The following TRMO variants were observed in gnomAD, a reference collection of about 807,000 sequenced individuals.
TRMO encodes the protein tRNA methyltransferase O.
A neutral mutation model predicts 37.2 loss-of-function variants in TRMO; 30 were observed. The observed-to-expected ratio is 0.81, with a 90% confidence interval of 0.60 to 1.09. The LOEUF is 1.09. Among genes scored for constraint, TRMO ranks in the 50% least tolerant of loss-of-function variants. The pLI is 0.00. For missense variants in TRMO, 552 were observed against 549.5 expected (o/e 1.00, Z -0.05); for synonymous variants, 239 against 199.4 (o/e 1.20, Z -1.67).
chr9:97,899,418 AT>A, the TRMO span, among the ~76,000 whole-genome samples: 1 of 132,586 alleles, frequency 7.5e-6, no homozygotes, highest in South Asian at 2.5e-4. Context: ...AGTCATTTTA[AT>A]TTTTATGTAC....
At position 97,916,782 on chromosome 9, in the gene TRMO, T is replaced by G. The variant is rs189795296; in HGVS notation, c.77-444A>C. Among the ~76,000 whole-genome samples, 1,453 of 148,680 alleles carry G rather than the reference T, an allele frequency of 9.8e-3. 7 individuals are homozygous for G. The highest frequency in any genetic ancestry group is 0.016 in the Non-Finnish European group (1,069 of 67,318). On this transcript the variant is annotated intron_variant, in intron 1 of 4. Transcript: ENST00000375119. ...GTGCAGTGGCCCGATCTCGGCTCAC[T>G]GCAACTTCTGCTTCCCGGGTTCAAG...
downstream of TRMO, among the ~76,000 whole-genome samples, chr9:97,902,010 C>T (rs1430999955): frequency 2.0e-5 from 3 of 152,110 alleles, no homozygotes; most frequent in South Asian, 2.1e-4. Flanking sequence ...CTGAAGAAAA[C>T]GGGGGTGCTC....
intron 2 of TRMO, among the ~76,000 whole-genome samples, chr9:97,914,845 T>C (rs113673613): frequency 6.6e-6 from 1 of 152,324 alleles, no homozygotes; most frequent in African/African-American, 2.4e-5. Flanking sequence ...TGGCAGGATC[T>C]ACACCATGCT....
chr9:97,897,743 A>T, the TRMO span, among the ~76,000 whole-genome samples: 22 of 152,378 alleles, frequency 1.4e-4, no homozygotes, highest in South Asian at 4.3e-3. Context: ...AATGTTTTTT[A>T]TATCTTGAAT....
intron 3 of TRMO, chr9:97,912,786 G>A (rs1376377798): frequency 5.9e-6 from 3 of 509,914 alleles, no homozygotes; most frequent in Non-Finnish European, 1.1e-5. Context: ...AAATGCATCT[G>A]TTAGGTCAGA....
At chr9:97,906,513 G>C (rs1418244093) in intron 4 of TRMO, among the ~76,000 whole-genome samples, 5 of 152,166 alleles carry the variant, frequency 3.3e-5, no homozygotes, top group Non-Finnish European at 7.3e-5. Flanking sequence ...TCTAGACTCA[G>C]AACTTCCTGA....
In TRMO at chr9:97,910,552, G is replaced by C. The variant is rs1277103688; in HGVS notation, c.474C>G (p.Pro158=). The part of the protein sequence containing the change: ...IHGTPVLDIK[P]YIAEYDSPQN... ...GCGGTGAGTCATACTCAGCTATGTA[G>C]GGCTTGATGTCTAGTACGGGTGTGC... Residue 158 remains proline (P), a synonymous_variant, in exon 4 of 5, where the codon CCC becomes CCG. Coordinates refer to ENST00000375119, the MANE Select transcript of TRMO (RefSeq NM_016481.5). The C allele has an allele frequency of 6.2e-7, 1 of 1,614,146 alleles. No individual in the cohort carries two copies.
At chr9:97,917,035 C>A (rs1826401943) in intron 1 of TRMO, among the ~76,000 whole-genome samples, 1 of 152,004 alleles carries the variant, frequency 6.6e-6, no homozygotes, top group African/African-American at 2.4e-5. Flanking sequence ...TCTTGATCCA[C>A]CCACCTCAAC....
At chr9:97,919,479 T>C (rs1490028822) in intron 1 of TRMO, among the ~76,000 whole-genome samples, 2 of 152,148 alleles carry the variant, frequency 1.3e-5, no homozygotes, top group Admixed American at 6.6e-5. Flanking sequence ...AGAAACACTA[T>C]TTTCCAAGTG....
intron 1 of TRMO, among the ~76,000 whole-genome samples, chr9:97,921,964 A>T (rs1178244039): frequency 6.6e-6 from 1 of 152,184 alleles, no homozygotes; most frequent in Non-Finnish European, 1.5e-5. Flanking sequence ...GAGTAAAGAG[A>T]AACAAATTCA....
At chr9:97,897,426 GTTTT>G in the TRMO span, among the ~76,000 whole-genome samples, 1 of 152,018 alleles carries the variant, frequency 6.6e-6, no homozygotes. Flanking sequence ...TTTTTGTTTT[GTTTT>G]GTTTTGTTTA....
intron 1 of TRMO, among the ~76,000 whole-genome samples, chr9:97,920,411 G>A (rs574086296): frequency 2.0e-5 from 3 of 152,262 alleles, no homozygotes; most frequent in African/African-American, 7.2e-5. Context: ...AAACAACACA[G>A]GGCCACTACA....
chr9:97,908,445 C>T lies in TRMO; in HGVS notation c.1066+1515G>A. ...AAAAAAAAAAAATCAAAATATTAGC[C>T]AGGTGTTGTGGTGCACACCTGTAGT... On this transcript the variant is annotated intron_variant, in intron 4 of 4. Coordinates refer to ENST00000375119, the MANE Select transcript of TRMO (RefSeq NM_016481.5). Among the ~76,000 whole-genome samples the T allele has an allele frequency of 1.3e-5, 2 of 150,594 alleles. 1 individual carries two copies. The highest frequency in any genetic ancestry group is 3.0e-5 in the Non-Finnish European group (2 of 67,794).
rs768917047 is a variant in TRMO, at chr9:97,910,519, C to A, written c.507G>T (p.Val169=). Residue 169 remains valine, a synonymous_variant, in exon 4 of 5, where the codon GTG becomes GTT. Coordinates refer to ENST00000375119, the MANE Select transcript of TRMO (RefSeq NM_016481.5). ...YIAEYDSPQN[V]MEPLADFNLQ... ...AATTAAAGTCTGCTAAAGGCTCCAT[C>A]ACATTTTGCGGTGAGTCATACTCAG... 4.3e-6 allele frequency: 7 copies of A among 1,614,112 alleles called. No homozygotes were observed. The Admixed American group carries it at 1.2e-4, about 27-fold the overall frequency.
In TRMO at chr9:97,904,507, A is replaced by G; in HGVS notation, c.*226T>C. ...GACAGCATCACCTTTTGATTCTTTAATATCAACAGATCAAAAAGCATTTGG... is the reference window on the plus strand; with the variant it reads ...GACAGCATCACCTTTTGATTCTTTAGTATCAACAGATCAAAAAGCATTTGG... On this transcript the variant is annotated 3_prime_UTR_variant, in exon 5 of 5. Coordinates refer to ENST00000375119, the MANE Select transcript of TRMO (RefSeq NM_016481.5). 4 of 1,358,074 alleles carry G rather than the reference A, an allele frequency of 2.9e-6. No homozygotes were observed. Among genetic ancestry groups the G allele is most frequent in the Middle Eastern group, 2.7e-4 (1 of 3,638 alleles). 84.1% of individuals were successfully genotyped at this position (1,358,074 alleles called of 1,614,324 possible).
chr9:97,919,208 C>T (rs10984361), intron 1 of TRMO, among the ~76,000 whole-genome samples: 45,613 of 151,870 alleles, frequency 0.3, 7,677 homozygotes, highest in Non-Finnish European at 0.37. Flanking sequence ...AACGACCTGG[C>T]ATATCTTCTT....
At chr9:97,904,361 CA>C (rs553814719), downstream of TRMO, 156 of 432,066 alleles carry the variant, frequency 3.6e-4, 1 homozygote, top group African/African-American at 3.3e-3. Flanking sequence ...CTTTTCCAGA[CA>C]GACAGGAAAA....
At chr9:97,902,734 T>G (rs1011673415), downstream of TRMO, among the ~76,000 whole-genome samples, 2 of 152,256 alleles carry the variant, frequency 1.3e-5, no homozygotes, top group Non-Finnish European at 2.9e-5. Flanking sequence ...AAACATTTTG[T>G]GCTTCAAGCC....
At chr9:97,906,509 C>T (rs1163476463) in intron 4 of TRMO, among the ~76,000 whole-genome samples, 3 of 152,246 alleles carry the variant, frequency 2.0e-5, no homozygotes, top group African/African-American at 7.2e-5. Flanking sequence ...CTCTTCTAGA[C>T]TCAGAACTTC....
Sources: gnomAD v4.1 joint callset for allele counts (sites outside exome capture counted in the v4.1 genomes callset) on GRCh38, gnomAD v4.1.1 for gene constraint, MANE v1.5 for transcripts, NCBI Gene and HGNC (gene_info 2026-07-23, HGNC 2026-07-21) for gene names.